FBXW8: variants seen among roughly 807,000 people sequenced by gnomAD.
The protein encoded by FBXW8 is F-box/WD repeat-containing protein 8.
A neutral mutation model predicts 65.3 loss-of-function variants in FBXW8; 57 were observed. The observed-to-expected ratio is 0.87, with a 90% CI of 0.71 to 1.09. The LOEUF (loss-of-function observed/expected upper bound fraction) is 1.09. Ranked by LOEUF, FBXW8 falls within the 50% of genes least tolerant of loss-of-function variation. The pLI, the probability that FBXW8 is intolerant of heterozygous loss-of-function variation, is 0.00. For synonymous variants in FBXW8, 308 were observed against 330.2 expected, an observed-to-expected ratio of 0.93 and a Z score of 0.73; for missense variants, 777 against 814.8, an observed-to-expected ratio of 0.95 and a Z score of 0.57.
At chr12:117,008,665 A>C (rs1437328198) in intron 7 of FBXW8, among the ~76,000 whole-genome samples, 1 of 152,248 alleles carries the variant, frequency 6.6e-6, no homozygotes, top group Non-Finnish European at 1.5e-5. Flanking sequence ...GAGAATATTT[A>C]ATTTATTATT....
chr12:116,997,831 TGA>T (rs1423102640), intron 7 of FBXW8, among the ~76,000 whole-genome samples: 9 of 152,214 alleles, frequency 5.9e-5, no homozygotes, highest in Non-Finnish European at 1.3e-4. Flanking sequence ...TTTGTTTTTT[TGA>T]GAGATGGAAT....
At chr12:117,024,850 C>A (rs1483917045) in intron 9 of FBXW8, among the ~76,000 whole-genome samples, 4 of 152,184 alleles carry the variant, frequency 2.6e-5, no homozygotes, top group African/African-American at 9.7e-5. Flanking sequence ...GCACTTAGGA[C>A]TGAAGGGGTT....
chr12:117,024,181 G>A lies in FBXW8; in HGVS notation c.1402G>A (p.Ala468Thr), dbSNP rs1322958593. The A allele has an allele frequency of 3.7e-6, 6 of 1,614,112 alleles. No homozygotes were observed. Among genetic ancestry groups the A allele is most frequent in the South Asian group, 2.2e-5 (2 of 91,086 alleles). The part of the protein sequence containing the change: ...RIHDLRSGNI[A>T]LSLSAHQLRV... Reference sequence around the variant, plus strand: ...CCACGACCTCCGCAGTGGTAACATCGCCCTGTCGCTCTCCGCCCATCAGCT... The same window carrying A: ...CCACGACCTCCGCAGTGGTAACATCACCCTGTCGCTCTCCGCCCATCAGCT... The change falls in exon 9 of 11, where the codon GCC (alanine) becomes ACC (threonine). Residue 468 changes from alanine (A) to threonine (T), a missense_variant. Coordinates refer to ENST00000652555, the MANE Select transcript of FBXW8 (RefSeq NM_153348.3).
At chr12:116,969,841 T>G (rs1042730097) in intron 5 of FBXW8, among the ~76,000 whole-genome samples, 5 of 147,636 alleles carry the variant, frequency 3.4e-5, no homozygotes, top group Admixed American at 2.0e-4. Flanking sequence ...GGTGTTGAGA[T>G]TTGGCAAGGT....
At position 116,949,632 on chromosome 12, in the gene FBXW8, C is replaced by A. The variant is rs753094701; in HGVS notation, c.603C>A (p.Ala201=). 1 of 1,614,144 alleles carries A rather than the reference C, an allele frequency of 6.2e-7. No homozygotes were observed. The highest frequency in any genetic ancestry group is 8.5e-7 in the Non-Finnish European group (1 of 1,180,028). Residue 201 remains alanine, a synonymous_variant, in exon 4 of 11, where the codon GCC becomes GCA. Coordinates refer to ENST00000652555, the MANE Select transcript of FBXW8 (RefSeq NM_153348.3). ...LRTNWKNRKG[A]VSELEHVPDT... is the part of the protein sequence containing the mutation. Reference sequence around the variant, plus strand: ...TCCTCACGCAGAATCGCAAAGGTGCCGTGAGCGAGCTGGAGCATGTTCCTG... The same window carrying A: ...TCCTCACGCAGAATCGCAAAGGTGCAGTGAGCGAGCTGGAGCATGTTCCTG...
chr12:117,012,587 C>T (rs1449531175), intron 8 of FBXW8, among the ~76,000 whole-genome samples: 2 of 152,198 alleles, frequency 1.3e-5, no homozygotes, highest in African/African-American at 2.4e-5. Flanking sequence ...GGAAGTCTTA[C>T]ATTTTTTCCC....
chr12:116,995,273 C>T (rs1177267097), intron 7 of FBXW8, among the ~76,000 whole-genome samples: 2 of 152,174 alleles, frequency 1.3e-5, no homozygotes, highest in African/African-American at 4.8e-5. Context: ...GCCCACAATT[C>T]TTTTAATCTG....
chr12:116,982,046 A>C (rs1391946609), intron 5 of FBXW8, among the ~76,000 whole-genome samples: 1 of 152,236 alleles, frequency 6.6e-6, no homozygotes, highest in Non-Finnish European at 1.5e-5. Flanking sequence ...CAAAGGAATT[A>C]AAATGGAATA....
intron 5 of FBXW8, among the ~76,000 whole-genome samples, chr12:116,975,606 T>G (rs1884876971): frequency 6.6e-6 from 1 of 152,138 alleles, no homozygotes; most frequent in African/African-American, 2.4e-5. Flanking sequence ...AACAGTAACT[T>G]TACAGTAGAG....
intron 1 of FBXW8, among the ~76,000 whole-genome samples, chr12:116,917,786 A>G (rs891055661): frequency 6.6e-6 from 1 of 152,000 alleles, no homozygotes; most frequent in African/African-American, 2.4e-5. Context: ...AGGTCAGGAG[A>G]TCAAGACCAT....
At chr12:116,945,606 T>C in intron 3 of FBXW8, 78 bp downstream of exon 3, 1 of 1,423,936 alleles carries the variant, frequency 7.0e-7, no homozygotes, top group Non-Finnish European at 9.7e-7. Flanking sequence ...ACTCATAGCC[T>C]GAGATTAATT....
At chr12:117,012,682 G>A (rs1037375555) in intron 8 of FBXW8, among the ~76,000 whole-genome samples, 1 of 152,164 alleles carries the variant, frequency 6.6e-6, no homozygotes, top group African/African-American at 2.4e-5. Flanking sequence ...AAAAGTGGGA[G>A]AAAGGGGTCA....
At chr12:117,003,326 C>A (rs2135700323) in intron 7 of FBXW8, among the ~76,000 whole-genome samples, 1 of 152,344 alleles carries the variant, frequency 6.6e-6, no homozygotes, top group South Asian at 2.1e-4. Flanking sequence ...GCACAGGTAT[C>A]CAAAGGAGCT....
intron 7 of FBXW8, among the ~76,000 whole-genome samples, chr12:116,999,950 G>C (rs1210647619): frequency 1.3e-5 from 2 of 151,442 alleles, no homozygotes; most frequent in East Asian, 3.9e-4. Flanking sequence ...CTCTGGCCCT[G>C]AGCTTGTACA....
intron 2 of FBXW8, among the ~76,000 whole-genome samples, chr12:116,932,277 A>G (rs2393110): frequency 0.77 from 116,917 of 152,108 alleles, 46,363 homozygotes; most frequent in Non-Finnish European, 0.86. Context: ...AGTTTGTTTA[A>G]TGGTTAGCAT....
At chr12:116,930,658 C>T (rs1332910745) in intron 2 of FBXW8, among the ~76,000 whole-genome samples, 1 of 152,072 alleles carries the variant, frequency 6.6e-6, no homozygotes, top group Non-Finnish European at 1.5e-5. Flanking sequence ...GATGTAATCC[C>T]ATTTGTCTGT....
chr12:116,936,605 G>A lies in FBXW8; in HGVS notation c.423+8478G>A, dbSNP rs140738729. ...AAGGAATGTAGGTAGCTTGAAGCTG[G>A]AAAAGGTAAGAAAACTGTTTTCTTT... On this transcript the variant is annotated intron_variant, in intron 2 of 10. Transcript: ENST00000652555. This position sits in a 1 kb window ranked among gnomAD's most constrained non-coding sequence, Gnocchi z 4.6. Among the ~76,000 whole-genome samples, 47 of 152,270 alleles carry A rather than the reference G, an allele frequency of 3.1e-4. 1 individual carries two copies. The South Asian group carries it at 3.5e-3, about 11-fold the overall frequency.
chr12:116,959,547 A>C (rs188911908), intron 4 of FBXW8, among the ~76,000 whole-genome samples: 191 of 152,310 alleles, frequency 1.3e-3, no homozygotes, highest in African/African-American at 4.5e-3. Context: ...GTTTTTAGCA[A>C]ATAAGAGCTG....
rs59119067 is a variant in FBXW8, at chr12:116,992,761, GGTGT to G, written c.1239+3925_1239+3928del. Among the ~76,000 whole-genome samples, 252 of 143,642 alleles carry G rather than the reference GGTGT, an allele frequency of 1.8e-3. 1 individual carries two copies. The highest frequency in any genetic ancestry group is 5.5e-3 in the African/African-American group (213 of 38,926). 94.2% of individuals were successfully genotyped at this position (143,642 alleles called of 152,430 possible). Reference sequence around the variant, plus strand: ...TTTTTATGGTTGAGTATTATTCCATGGTGTGTGTGTGTGTGTGTGTGTGTGTGTG... The same window carrying G: ...TTTTTATGGTTGAGTATTATTCCATGGTGTGTGTGTGTGTGTGTGTGTGTG... On this transcript the variant is annotated intron_variant, in intron 7 of 10. Coordinates refer to ENST00000652555, the MANE Select transcript of FBXW8 (RefSeq NM_153348.3).
Sources: gnomAD v4.1 joint callset for allele counts (sites outside exome capture counted in the v4.1 genomes callset) on GRCh38, gnomAD v4.1.1 for gene constraint, Gnocchi (gnomAD v3.1) non-coding constraint, MANE v1.5 for transcripts, NCBI Gene and HGNC (gene_info 2026-07-23, HGNC 2026-07-21) for gene names.